Variants in VWA3B observed in about 807,000 individuals in gnomAD.
VWA3B encodes the protein von Willebrand factor A domain-containing protein 3B.
In VWA3B, 138 loss-of-function variants were observed where a neutral mutation model predicts 158.3. That is an observed-to-expected ratio of 0.87 (90% CI 0.76 to 1.00). The LOEUF is 1.00. VWA3B is among the 50% of genes least tolerant of loss of function. The probability of loss-of-function intolerance (pLI) is 0.00; values close to 1 mark genes in which losing one functional copy is unlikely to be tolerated. For synonymous variants in VWA3B, 596 were observed against 587.3 expected (o/e 1.01, Z -0.21); for missense variants, 1,555 against 1,565.1 (o/e 0.99, Z 0.11).
At chr2:98,305,077 G>A (rs1442568492) in intron 26 of VWA3B, among the ~76,000 whole-genome samples, 1 of 152,092 alleles carries the variant, frequency 6.6e-6, no homozygotes, top group East Asian at 1.9e-4. Flanking sequence ...GACTGAACCT[G>A]CTCCAGAGTC....
At chr2:98,182,659 T>C (rs1386701502) in intron 9 of VWA3B, among the ~76,000 whole-genome samples, 4 of 151,832 alleles carry the variant, frequency 2.6e-5, no homozygotes, top group Admixed American at 2.6e-4. Flanking sequence ...GTGGCTTACG[T>C]CTGTAATCCC....
intron 9 of VWA3B, among the ~76,000 whole-genome samples, chr2:98,186,010 T>A (rs1471759856): frequency 1.3e-5 from 2 of 152,142 alleles, no homozygotes; most frequent in East Asian, 3.9e-4. Flanking sequence ...TGGGAGCTGC[T>A]GTCATCAGGC....
chr2:98,136,039 C>T (rs1388413396), intron 7 of VWA3B, among the ~76,000 whole-genome samples: 1 of 152,042 alleles, frequency 6.6e-6, no homozygotes, highest in Non-Finnish European at 1.5e-5. Context: ...TAGAGACTCT[C>T]AAGTAAGGGG....
intron 2 of VWA3B, among the ~76,000 whole-genome samples, chr2:98,094,229 A>C (rs1313887978): frequency 6.6e-6 from 1 of 152,168 alleles, no homozygotes; most frequent in Non-Finnish European, 1.5e-5. Flanking sequence ...ACTGCTTTCC[A>C]TAATAGCTAT....
intron 20 of VWA3B, among the ~76,000 whole-genome samples, chr2:98,252,104 T>G (rs1686836310): frequency 6.6e-6 from 1 of 152,046 alleles, no homozygotes; most frequent in Non-Finnish European, 1.5e-5. Context: ...CAATGATCCT[T>G]CTCAGAGAGA....
chr2:98,308,836 T>G (rs1384213909), intron 26 of VWA3B, among the ~76,000 whole-genome samples: 1 of 152,222 alleles, frequency 6.6e-6, no homozygotes, highest in Non-Finnish European at 1.5e-5. Flanking sequence ...CCCCTTACCC[T>G]TAACAGAGCA....
intron 21 of VWA3B, among the ~76,000 whole-genome samples, chr2:98,258,555 C>A (rs1041580855): frequency 6.6e-6 from 1 of 151,728 alleles, no homozygotes; most frequent in African/African-American, 2.4e-5. Context: ...TTTCAGTATA[C>A]CTGCCTTTCA....
At chr2:98,106,421 A>G (rs1673664613) in intron 2 of VWA3B, among the ~76,000 whole-genome samples, 1 of 152,164 alleles carries the variant, frequency 6.6e-6, no homozygotes, top group Admixed American at 6.5e-5. Context: ...AAATATTGCT[A>G]TAATATTGAT....
At chr2:98,092,539 A>C (rs1353519482) in intron 1 of VWA3B, among the ~76,000 whole-genome samples, 1 of 151,914 alleles carries the variant, frequency 6.6e-6, no homozygotes, top group African/African-American at 2.4e-5. Context: ...GCTACTCAGG[A>C]GGCTGAGGCA....
At chr2:98,145,569 C>CTGT (rs1677115458) in intron 7 of VWA3B, among the ~76,000 whole-genome samples, 3 of 152,200 alleles carry the variant, frequency 2.0e-5, no homozygotes, top group African/African-American at 7.2e-5. Flanking sequence ...TAACAGTCTT[C>CTGT]TACATCTATT....
chr2:98,323,117 G>A, the VWA3B span, among the ~76,000 whole-genome samples: 1 of 152,102 alleles, frequency 6.6e-6, no homozygotes, highest in Non-Finnish European at 1.5e-5. Context: ...CTATTCTTAT[G>A]ATAAAAGACA....
intron 22 of VWA3B, 141 bp downstream of exon 22, chr2:98,271,024 C>T: frequency 1.3e-6 from 1 of 792,476 alleles, no homozygotes; most frequent in Non-Finnish European, 2.0e-6. Flanking sequence ...CAGTTAAGGT[C>T]TCAGTACTTT....
chr2:98,118,528 A>G (rs1291481561), intron 3 of VWA3B, among the ~76,000 whole-genome samples: 1 of 152,210 alleles, frequency 6.6e-6, no homozygotes, highest in Non-Finnish European at 1.5e-5. Flanking sequence ...CTTAGCTCAC[A>G]CCGGGCCAAT....
chr2:98,304,699 A>C (rs1690408440), intron 26 of VWA3B, among the ~76,000 whole-genome samples: 1 of 151,928 alleles, frequency 6.6e-6, no homozygotes, highest in South Asian at 2.1e-4. Flanking sequence ...CCCATCCTCC[A>C]CTGCCTCGGG....
chr2:98,309,979 G>A (rs1690787369), intron 26 of VWA3B, among the ~76,000 whole-genome samples: 1 of 152,174 alleles, frequency 6.6e-6, no homozygotes, highest in African/African-American at 2.4e-5. Flanking sequence ...GAAGCATGTG[G>A]TGGTGCCCTA....
rs112520695 is a variant in VWA3B at position 98,118,745 on chromosome 2, C to CTAAAATAAAATAAAA, written c.292-751_292-737dup. 1.6e-3 allele frequency among the ~76,000 whole-genome samples: 245 copies of CTAAAATAAAATAAAA among 151,642 alleles called. 3 individuals carry two copies. The East Asian group carries it at 0.026, about 16-fold the overall frequency. On this transcript the variant is annotated intron_variant, in intron 3 of 27. Coordinates refer to ENST00000477737, the MANE Select transcript of VWA3B (RefSeq NM_144992.5). The stretch of plus-strand genomic sequence containing the variant: ...TTCACTCTATTAAATCTTGCAACTG[C>CTAAAATAAAATAAAA]TAAAATAAAATAAAATAAAATAAAA...
intron 6 of VWA3B, among the ~76,000 whole-genome samples, chr2:98,129,748 C>T (rs1012302420): frequency 6.6e-6 from 1 of 152,114 alleles, no homozygotes; most frequent in Non-Finnish European, 1.5e-5. Context: ...GGAGAAAGAT[C>T]AGCTACTTCT....
At chr2:98,212,652 TTCCTTGTG>T (rs1683629690) in intron 13 of VWA3B, among the ~76,000 whole-genome samples, 2 of 152,216 alleles carry the variant, frequency 1.3e-5, no homozygotes, top group Non-Finnish European at 2.9e-5. Flanking sequence ...ACTCGCGTCC[TTCCTTGTG>T]AGATGGTTTG....
intron 19 of VWA3B, among the ~76,000 whole-genome samples, chr2:98,247,025 C>T (rs1226114869): frequency 6.6e-6 from 1 of 151,378 alleles, no homozygotes; most frequent in Admixed American, 6.6e-5. Context: ...TGAGACAGAG[C>T]CTCGCACTGT....
Sources: allele counts gnomAD v4.1 joint callset (sites outside exome capture counted in the v4.1 genomes callset), GRCh38; gene constraint gnomAD v4.1.1; transcripts MANE v1.5; gene names NCBI Gene and HGNC (gene_info 2026-07-23, HGNC 2026-07-21).